The following BCR variants were observed in gnomAD, a reference collection of about 807,000 sequenced individuals.
The protein encoded by BCR is BCR activator of RhoGEF and GTPase, also known as breakpoint cluster region protein.
A neutral mutation model predicts 138.6 loss-of-function variants in BCR; 58 were observed. The observed-to-expected ratio is 0.42, with a 90% confidence interval of 0.34 to 0.52. BCR has a LOEUF of 0.52. Ranked by LOEUF, BCR falls within the 20% of genes least tolerant of loss-of-function variation. BCR has a pLI of 0.06. For missense variants in BCR, 1,599 were observed against 1,727.2 expected, an observed-to-expected ratio of 0.93 and a Z score of 1.32; for synonymous variants, 786 against 730.1, an observed-to-expected ratio of 1.08 and a Z score of -1.23.
Position 23,285,145 on chromosome 22 carries a change from C to T in BCR, c.2350C>T (p.Leu784=). 1 of 1,613,966 alleles carries T rather than the reference C, an allele frequency of 6.2e-7. No homozygotes were observed. The highest frequency in any genetic ancestry group is 2.2e-5 in the East Asian group (1 of 44,892). Residue 784 remains leucine, a synonymous_variant, in exon 10 of 23, where the codon CTG becomes TTG. Transcript: ENST00000305877. ...CATCCCCCTGGTGCCCGATGAGGAG[C>T]TGGACGCTTTGAAGATCAAGATCTC... The part of the protein sequence containing the change: ...PNIPLVPDEE[L]DALKIKISQI...
In BCR at chr22:23,287,212, G is replaced by C; in HGVS notation, c.2460G>C (p.Glu820Asp). 1 of 1,567,042 alleles carries C rather than the reference G, an allele frequency of 6.4e-7. No individual in the cohort carries two copies. Among genetic ancestry groups the C allele is most frequent in the Non-Finnish European group, 8.7e-7 (1 of 1,155,192 alleles). ...AGAGGCTGAAGAAGAAGCTGTCGGA[G>C]CAGGAGTCACTGCTGCTGCTTATGT... ...ATERLKKKLS[E>D]QESLLLLMSP... The change falls in exon 11 of 23, where the codon GAG (glutamate) becomes GAC (aspartate). Residue 820 changes from glutamate (E) to aspartate (D), a missense_variant. Physicochemically the swap from Glu to Asp is conservative, Grantham distance 45 (BLOSUM62 2). Transcript: ENST00000305877.
intron 16 of BCR, among the ~76,000 whole-genome samples, chr22:23,300,593 T>C (rs2073892477): frequency 6.6e-6 from 1 of 152,132 alleles, no homozygotes; most frequent in African/African-American, 2.4e-5. Flanking sequence ...GAACAGCTGC[T>C]GCAGAGTGGG....
chr22:23,256,284 C>CTTGA (rs1195042896), intron 2 of BCR, among the ~76,000 whole-genome samples: 1 of 152,106 alleles, frequency 6.6e-6, no homozygotes, highest in African/African-American at 2.4e-5. Context: ...AGATGCTGAT[C>CTTGA]TTGAGTCTTT....
At chr22:23,295,563 G>A (rs896095541) in intron 16 of BCR, among the ~76,000 whole-genome samples, 5 of 152,046 alleles carry the variant, frequency 3.3e-5, no homozygotes, top group Non-Finnish European at 5.9e-5. Flanking sequence ...GGTCCCAGAG[G>A]CTGCCTGCTT....
chr22:23,225,002 C>T (rs979835964), intron 1 of BCR, among the ~76,000 whole-genome samples: 2 of 151,924 alleles, frequency 1.3e-5, no homozygotes, highest in Non-Finnish European at 2.9e-5. Flanking sequence ...AGACAGCCAC[C>T]GAGACCCGGC....
chr22:23,221,538 G>A (rs1264421383), intron 1 of BCR, among the ~76,000 whole-genome samples: 2 of 152,218 alleles, frequency 1.3e-5, no homozygotes, highest in Non-Finnish European at 2.9e-5. Context: ...GGCTTCTGGG[G>A]AGCCCCATTC....
At chr22:23,233,822 A>G (rs916825528) in intron 1 of BCR, among the ~76,000 whole-genome samples, 4 of 151,700 alleles carry the variant, frequency 2.6e-5, no homozygotes, top group East Asian at 1.9e-4. Context: ...AGAAAAAAAA[A>G]AAGAAGAACA....
In BCR at chr22:23,314,084, T is replaced by G. The variant is rs761614143; in HGVS notation, c.3563+11T>G. On this transcript the variant is annotated intron_variant, in intron 21 of 22. Transcript: ENST00000305877. ...GGACCACCTGAAAAGGTAGCCCAGC[T>G]CTCCCATGGCAGCCCAGGGCTCCAG... is the stretch of plus-strand genomic sequence containing the variant. 23 of 1,608,126 alleles carry G rather than the reference T, an allele frequency of 1.4e-5. No homozygotes were observed. Among genetic ancestry groups the G allele is most frequent in the South Asian group, 5.5e-5 (5 of 90,972 alleles).
Position 23,308,293 on chromosome 22 carries a change from A to G in BCR, c.3013-1131A>G, listed in dbSNP as rs190449250. Among the ~76,000 whole-genome samples the G allele has an allele frequency of 3.0e-3, 455 of 152,116 alleles. 4 individuals are homozygous for G. Among genetic ancestry groups the G allele is most frequent in the Non-Finnish European group, 4.8e-3 (325 of 67,978 alleles). On this transcript the variant is annotated intron_variant, in intron 16 of 22. Coordinates refer to ENST00000305877, the MANE Select transcript of BCR (RefSeq NM_004327.4). ...AGTTCTCTGCAGGTGGAACCCAGGG[A>G]GGTGTTTTTTTTGTTTTTGCTTTTA...
chr22:23,299,089 T>C (rs1210285019), intron 16 of BCR, among the ~76,000 whole-genome samples: 2 of 152,148 alleles, frequency 1.3e-5, no homozygotes, highest in African/African-American at 2.4e-5. Context: ...CTCCGCCTCC[T>C]GGGTTCACGC....
At chr22:23,231,395 A>G (rs1438153057) in intron 1 of BCR, among the ~76,000 whole-genome samples, 13 of 152,000 alleles carry the variant, frequency 8.6e-5, no homozygotes, top group African/African-American at 2.2e-4. Context: ...AGTCCCAGCT[A>G]TTCAGGAGGC....
chr22:23,234,708 G>T (rs1346171430), intron 1 of BCR, among the ~76,000 whole-genome samples: 1 of 145,768 alleles, frequency 6.9e-6, no homozygotes, highest in Non-Finnish European at 1.6e-5. Context: ...GCACCCAGGG[G>T]ACCCAGGCTG....
Position 23,182,191 on chromosome 22 carries a change from G to A in BCR, c.1231G>A (p.Gly411Arg), listed in dbSNP as rs560606583. 2.5e-6 allele frequency: 4 copies of A among 1,597,270 alleles called. No homozygotes were observed. Among genetic ancestry groups the A allele is most frequent in the Admixed American group, 1.7e-5 (1 of 59,510 alleles). ...CACCATCGTGGGCGTCCGCAAGACC[G>A]GGCAGATCTGGCCCAACGATGGCGA... ...EATIVGVRKT[G>R]QIWPNDGEGA... The change falls in exon 1 of 23, where the codon GGG becomes AGG. Residue 411 changes from glycine (G) to arginine (R), a missense_variant. By Grantham distance (125) the Gly-to-Arg change is moderately radical. This residue lies in a region of BCR where 806 missense variants were observed against 635.0 expected (regional missense o/e 1.27). Coordinates refer to ENST00000305877, the MANE Select transcript of BCR (RefSeq NM_004327.4).
Position 23,181,841 on chromosome 22 carries a change from G to A in BCR, c.881G>A (p.Gly294Asp). Reference protein sequence around the residue: ...VGGMMEGEGKGPLLRSQSTSE... With the variant: ...VGGMMEGEGKDPLLRSQSTSE... Reference sequence around the variant, plus strand: ...GGCATGATGGAAGGGGAGGGCAAGGGCCCGCTCCTGCGCAGCCAGAGCACC... The same window carrying A: ...GGCATGATGGAAGGGGAGGGCAAGGACCCGCTCCTGCGCAGCCAGAGCACC... The change falls in exon 1 of 23, where the codon GGC becomes GAC. Residue 294 changes from glycine (G) to aspartate (D), a missense_variant. Gly to Asp is a moderately conservative substitution (Grantham distance 94, BLOSUM62 -1). Transcript: ENST00000305877. 2.5e-6 allele frequency: 4 copies of A among 1,611,470 alleles called. No individual in the cohort carries two copies. Among genetic ancestry groups the A allele is most frequent in the South Asian group, 2.2e-5 (2 of 91,060 alleles).
intron 1 of BCR, among the ~76,000 whole-genome samples, chr22:23,220,089 G>C (rs1018489210): frequency 6.6e-6 from 1 of 152,200 alleles, no homozygotes; most frequent in African/African-American, 2.4e-5. Context: ...CTTTGAGGCT[G>C]TGTGGGCACG....
chr22:23,207,664 A>T (rs2072633494), intron 1 of BCR, among the ~76,000 whole-genome samples: 1 of 152,182 alleles, frequency 6.6e-6, no homozygotes, highest in African/African-American at 2.4e-5. Context: ...AGGCCATTGT[A>T]GGGGAGGAGG....
At chr22:23,236,136 C>G (rs1602047582) in intron 1 of BCR, among the ~76,000 whole-genome samples, 1 of 152,210 alleles carries the variant, frequency 6.6e-6, no homozygotes, top group Non-Finnish European at 1.5e-5. Context: ...CTGAGGTCCT[C>G]TGGGTGCCAC....
intron 1 of BCR, among the ~76,000 whole-genome samples, chr22:23,189,191 C>A (rs2072383740): frequency 6.6e-6 from 1 of 152,158 alleles, no homozygotes; most frequent in African/African-American, 2.4e-5. Context: ...ACCATTTTCT[C>A]CATTTTTAAG....
chr22:23,292,681 C>T, intron 15 of BCR, 43 bp downstream of exon 15: 1 of 1,524,342 alleles, frequency 6.6e-7, no homozygotes, highest in Non-Finnish European at 9.1e-7. Flanking sequence ...CCAGGTGGGG[C>T]ACAGGATATT....
Sources: allele counts gnomAD v4.1 joint callset (sites outside exome capture counted in the v4.1 genomes callset), GRCh38; gene constraint gnomAD v4.1.1; regional missense constraint gnomAD v4.1.1; transcripts MANE v1.5; gene names NCBI Gene and HGNC (gene_info 2026-07-23, HGNC 2026-07-21).